Variants in CHRNA7 observed in about 807,000 individuals in gnomAD.
CHRNA7 encodes cholinergic receptor nicotinic alpha 7 subunit, also known as neuronal acetylcholine receptor subunit alpha-7.
CHRNA7 carries 17 observed loss-of-function variants against 48.0 expected under a neutral mutation model. The ratio of observed to expected loss-of-function variants is 0.35; its 90% CI spans 0.24 to 0.53. The LOEUF is 0.53. Among genes scored for constraint, CHRNA7 ranks in the 20% least tolerant of loss-of-function variants. The pLI is 0.92. For missense variants in CHRNA7, 155 were observed against 577.7 expected (o/e 0.27, Z 7.50); for synonymous variants, 75 against 242.3 (o/e 0.31, Z 6.41).
In CHRNA7 at chr15:32,138,972, T is replaced by C. The variant is rs372948978; in HGVS notation, c.351-14935T>C. 2.6e-5 allele frequency among the ~76,000 whole-genome samples: 4 copies of C among 152,298 alleles called. No homozygotes were observed. In the East Asian group the frequency reaches 5.8e-4, roughly 22 times the overall value. On this transcript the variant is annotated intron_variant, in intron 4 of 9. Transcript: ENST00000306901. ...TTTCGTCATGTTGGCCAAGCTGGTCTCAAACTCCTGACCTCGGGTGATCCA... is the reference window on the plus strand; with the variant it reads ...TTTCGTCATGTTGGCCAAGCTGGTCCCAAACTCCTGACCTCGGGTGATCCA...
intron 4 of CHRNA7, among the ~76,000 whole-genome samples, chr15:32,131,150 T>G (rs2141317263): frequency 1.3e-5 from 2 of 152,306 alleles, no homozygotes; most frequent in South Asian, 4.1e-4. Flanking sequence ...ATGATGATTC[T>G]TGGCATTAAT....
Position 32,138,127 on chromosome 15 carries a change from C to T in CHRNA7, c.351-15780C>T, listed in dbSNP as rs867610908. Among the ~76,000 whole-genome samples the T allele has an allele frequency of 1.1e-4, 17 of 151,836 alleles. No homozygotes were observed. The South Asian group carries it at 2.7e-3, about 24-fold the overall frequency. On this transcript the variant is annotated intron_variant, in intron 4 of 9. Transcript: ENST00000306901. ...ATAAGAAAACTAAAATAGAGATCAA[C>T]GAAGGACAAATTGGTTTTAAAAAAG...
At chr15:32,030,755 G>C in intron 1 of CHRNA7, 106 bp downstream of exon 1, 1 of 1,512,468 alleles carries the variant, frequency 6.6e-7, no homozygotes, top group Non-Finnish European at 8.8e-7. Flanking sequence ...TCTCCCCGCC[G>C]CCGGGGAGGG....
chr15:32,118,302 A>C (rs968475897), intron 4 of CHRNA7, among the ~76,000 whole-genome samples: 1 of 152,226 alleles, frequency 6.6e-6, no homozygotes, highest in Non-Finnish European at 1.5e-5. Flanking sequence ...TCTTTTCTTT[A>C]TAAATTACCC....
chr15:32,106,909 T>C lies in CHRNA7; in HGVS notation c.241-4881T>C, dbSNP rs558269174. ...TTTAATTTCTGCATTCATCATCACTTGATCTCTGACACATGGAAATGCCAC... is the reference window on the plus strand; with the variant it reads ...TTTAATTTCTGCATTCATCATCACTCGATCTCTGACACATGGAAATGCCAC... On this transcript the variant is annotated intron_variant, in intron 3 of 9. Transcript: ENST00000306901. 1.8e-3 allele frequency among the ~76,000 whole-genome samples: 281 copies of C among 152,294 alleles called. 1 individual carries two copies. The highest frequency in any genetic ancestry group is 6.8e-3 in the Middle Eastern group (2 of 294).
At chr15:32,095,857 G>A (rs956368157) in intron 2 of CHRNA7, among the ~76,000 whole-genome samples, 9 of 152,174 alleles carry the variant, frequency 5.9e-5, no homozygotes, top group African/African-American at 2.2e-4. Context: ...CAACAAGGAG[G>A]ACAGAATCAC....
chr15:32,086,204 C>T (rs2050292806), intron 2 of CHRNA7, among the ~76,000 whole-genome samples: 5 of 151,660 alleles, frequency 3.3e-5, no homozygotes, highest in Admixed American at 3.3e-4. Flanking sequence ...CCCGTCTCTA[C>T]TAAAAATACA....
intron 2 of CHRNA7, among the ~76,000 whole-genome samples, chr15:32,070,586 A>G (rs2050038154): frequency 6.6e-6 from 1 of 151,314 alleles, no homozygotes; most frequent in Admixed American, 6.6e-5. Context: ...TTTCTTAAAA[A>G]GGTTTATAGT....
chr15:32,078,498 G>A (rs1045323602), intron 2 of CHRNA7, among the ~76,000 whole-genome samples: 2 of 151,836 alleles, frequency 1.3e-5, no homozygotes, highest in African/African-American at 4.8e-5. Flanking sequence ...TCTAGTCTCT[G>A]CCAACGTGTA....
At position 32,054,485 on chromosome 15, in the gene CHRNA7, A is replaced by G. The variant is rs114150662; in HGVS notation, c.195+23448A>G. Among the ~76,000 whole-genome samples, 1,029 of 152,302 alleles carry G rather than the reference A, an allele frequency of 6.8e-3. 19 individuals are homozygous for G. The highest frequency in any genetic ancestry group is 0.024 in the African/African-American group (982 of 41,578). On this transcript the variant is annotated intron_variant, in intron 2 of 9. Transcript: ENST00000306901. ...TTAAATTGTAGTAGAGTAGATATAC[A>G]CTAATGTGGCACGATATCAAAACCA... is the stretch of plus-strand genomic sequence containing the variant.
chr15:32,044,253 C>CCCCTTCCTTCCTTCCT (rs1555373127), intron 2 of CHRNA7, among the ~76,000 whole-genome samples: 1 of 140,918 alleles, frequency 7.1e-6, no homozygotes, highest in Non-Finnish European at 1.5e-5. Flanking sequence ...CGATCTTTTC[C>CCCCTTCCTTCCTTCCT]TCCTTCCTTC....
chr15:32,149,026 C>G lies in CHRNA7; in HGVS notation c.351-4881C>G, dbSNP rs2051557681. Among the ~76,000 whole-genome samples, 1 of 152,174 alleles carries G rather than the reference C, an allele frequency of 6.6e-6. No homozygotes were observed. Among genetic ancestry groups the G allele is most frequent in the African/African-American group, 2.4e-5 (1 of 41,440 alleles). On this transcript the variant is annotated intron_variant, in intron 4 of 9. Coordinates refer to ENST00000306901, the MANE Select transcript of CHRNA7 (RefSeq NM_000746.6). This position sits in a 1 kb window ranked among gnomAD's most constrained non-coding sequence, Gnocchi z 4.6. ...CACCCCCTCCGTGGTGAGGGTAGGGCTCAGAGCTCTCCTCACACCAAGAGT... is the reference window on the plus strand; with the variant it reads ...CACCCCCTCCGTGGTGAGGGTAGGGGTCAGAGCTCTCCTCACACCAAGAGT...
chr15:32,148,759 A>G (rs142407419), intron 4 of CHRNA7, among the ~76,000 whole-genome samples: 149 of 152,344 alleles, frequency 9.8e-4, no homozygotes, highest in Non-Finnish European at 1.9e-3. Flanking sequence ...TGCTTAGGGC[A>G]ACATGGTGTA....
intron 4 of CHRNA7, among the ~76,000 whole-genome samples, chr15:32,123,084 A>ATTTTGCTG: frequency 6.6e-6 from 1 of 152,252 alleles, no homozygotes; most frequent in African/African-American, 2.4e-5. Flanking sequence ...CAAAATGAGA[A>ATTTTGCTG]GAAACCAAGA....
At chr15:32,066,345 G>A (rs375241320) in intron 2 of CHRNA7, among the ~76,000 whole-genome samples, 12 of 151,178 alleles carry the variant, frequency 7.9e-5, no homozygotes, top group African/African-American at 4.9e-5. Context: ...GCGGTGGCGC[G>A]ATGTCCACTC....
chr15:32,119,346 C>T (rs2050927561), intron 4 of CHRNA7, among the ~76,000 whole-genome samples: 1 of 152,216 alleles, frequency 6.6e-6, no homozygotes, highest in Non-Finnish European at 1.5e-5. Context: ...CTTTGACACA[C>T]GATCACTTTA....
chr15:32,144,238 G>A (rs1016113936), intron 4 of CHRNA7, among the ~76,000 whole-genome samples: 6 of 152,144 alleles, frequency 3.9e-5, no homozygotes, highest in Admixed American at 6.5e-5. Flanking sequence ...GTTGAATATT[G>A]GCCCCCACTC....
At chr15:32,166,715 C>T (rs1176738987) in intron 9 of CHRNA7, 1 of 146,172 alleles carries the variant, frequency 6.8e-6, no homozygotes, top group Non-Finnish European at 1.5e-5. Flanking sequence ...GCCCACTTTT[C>T]ATACACTTTA....
chr15:32,040,845 T>C (rs2049435783), intron 2 of CHRNA7, among the ~76,000 whole-genome samples: 1 of 152,120 alleles, frequency 6.6e-6, no homozygotes, highest in African/African-American at 2.4e-5. Context: ...TTTAACATTT[T>C]TTCAAGGCAG....
Sources: gnomAD v4.1 joint callset for allele counts (sites outside exome capture counted in the v4.1 genomes callset) on GRCh38, gnomAD v4.1.1 for gene constraint, Gnocchi (gnomAD v3.1) non-coding constraint, MANE v1.5 for transcripts, NCBI Gene and HGNC (gene_info 2026-07-23, HGNC 2026-07-21) for gene names.